Variants in TRRAP observed in about 807,000 individuals in gnomAD.
The protein encoded by TRRAP is transformation/transcription domain associated protein.
TRRAP carries 41 observed loss-of-function variants against 438.8 expected under a neutral mutation model. The ratio of observed to expected loss-of-function variants is 0.09; its 90% CI spans 0.07 to 0.12. TRRAP has a LOEUF of 0.12. Among genes scored for constraint, TRRAP ranks in the 10% least tolerant of loss-of-function variants. The pLI, the probability that TRRAP is intolerant of heterozygous loss-of-function variation, is 1.00. For synonymous variants in TRRAP, 1,994 were observed against 1,962.9 expected, an observed-to-expected ratio of 1.02 and a Z score of -0.42; for missense variants, 3,122 against 5,055.1, an observed-to-expected ratio of 0.62 and a Z score of 11.60.
intron 24 of TRRAP, 25 bp from the exon 25 acceptor site, chr7:98,930,608 G>T (rs782100298): frequency 6.2e-7 from 1 of 1,611,746 alleles, no homozygotes; most frequent in Non-Finnish European, 8.5e-7. Context: ...GTAACGTGTT[G>T]TGGTTTGTTC....
intron 40 of TRRAP, 35 bp from the exon 41 acceptor site, chr7:98,955,063 T>C: frequency 6.3e-7 from 1 of 1,585,636 alleles, no homozygotes; most frequent in Middle Eastern, 1.7e-4. Context: ...AAGCCTTCCT[T>C]CTCATCCTCC....
Position 98,931,548 on chromosome 7 carries a change from G to C in TRRAP, c.3735G>C (p.Leu1245Phe). ...CTTTCCACCATGTGACACACGACTT[G>C]GTTCGAGAAGTCACCTCTCCAAACT... Reference protein sequence around the residue: ...EKSFHHVTHDLVREVTSPNST... With the variant: ...EKSFHHVTHDFVREVTSPNST... The change falls in exon 26 of 73, where the codon TTG becomes TTC. Residue 1245 changes from leucine to phenylalanine, a missense_variant. This residue lies in a region of TRRAP where 153 missense variants were observed against 223.0 expected (regional missense o/e 0.69). Transcript: ENST00000456197. The C allele has an allele frequency of 1.2e-6, 2 of 1,614,200 alleles. No individual in the cohort carries two copies. The highest frequency in any genetic ancestry group is 1.7e-6 in the Non-Finnish European group (2 of 1,180,042).
At chr7:98,892,253 A>G (rs1453071983) in intron 4 of TRRAP, among the ~76,000 whole-genome samples, 171 bp from the exon 5 acceptor site, 17 of 152,182 alleles carry the variant, frequency 1.1e-4, no homozygotes, top group Non-Finnish European at 2.4e-4. Flanking sequence ...TTTGGGTTAC[A>G]TTTAAGTAGT....
chr7:98,971,164 T>G (rs1244977039), intron 52 of TRRAP, among the ~76,000 whole-genome samples: 1 of 152,242 alleles, frequency 6.6e-6, no homozygotes, highest in Non-Finnish European at 1.5e-5. Flanking sequence ...TTTTTTTCCT[T>G]TTTTTACTGT....
chr7:98,933,701 C>T (rs1554413530), intron 27 of TRRAP, among the ~76,000 whole-genome samples: 3 of 152,242 alleles, frequency 2.0e-5, no homozygotes, highest in South Asian at 2.1e-4. Context: ...GATGAAGCTG[C>T]ACCCAGTTGC....
At chr7:98,978,349 G>T in intron 57 of TRRAP, 26 bp downstream of exon 57, 1 of 1,577,444 alleles carries the variant, frequency 6.3e-7, no homozygotes, top group Non-Finnish European at 8.7e-7. Flanking sequence ...TGCTTGACGT[G>T]TGCATGAATC....
intron 58 of TRRAP, among the ~76,000 whole-genome samples, chr7:98,980,444 T>A (rs1274259307): frequency 6.6e-6 from 1 of 152,118 alleles, no homozygotes; most frequent in Non-Finnish European, 1.5e-5. Flanking sequence ...TAAATGAGAT[T>A]AACAAAATGT....
chr7:98,978,376 G>A, intron 57 of TRRAP, 53 bp downstream of exon 57: 2 of 1,489,514 alleles, frequency 1.3e-6, no homozygotes, highest in Middle Eastern at 1.7e-4. Flanking sequence ...GGGAACCAGG[G>A]AAAAATCTCT....
In TRRAP at chr7:98,949,543, A is replaced by G; in HGVS notation, c.4915A>G (p.Ser1639Gly). The G allele has an allele frequency of 6.3e-7, 1 of 1,596,326 alleles. No individual in the cohort carries two copies. The highest frequency in any genetic ancestry group is 8.5e-7 in the Non-Finnish European group (1 of 1,171,228). ...TGTGCGCCCCGGTTCGCCCAGCACCAGCACCATGCGCCTGGACCTCCAGTT... is the reference window on the plus strand; with the variant it reads ...TGTGCGCCCCGGTTCGCCCAGCACCGGCACCATGCGCCTGGACCTCCAGTT... ...TAVRPGSPST[S>G]TMRLDLQFQA... The change falls in exon 36 of 73, where the codon AGC becomes GGC. Residue 1639 changes from serine (S) to glycine (G), a missense_variant. By Grantham distance (56) the Ser-to-Gly change is moderately conservative. This residue lies in a region of TRRAP where 272 missense variants were observed against 348.5 expected (regional missense o/e 0.78). Transcript: ENST00000456197.
chr7:99,009,266 G>A (rs758262463), intron 70 of TRRAP, among the ~76,000 whole-genome samples: 1 of 152,132 alleles, frequency 6.6e-6, no homozygotes, highest in South Asian at 2.1e-4. Flanking sequence ...TGGGTGCCCC[G>A]TGGTCCTTTC....
intron 2 of TRRAP, 111 bp from the exon 3 acceptor site, chr7:98,881,864 C>A: frequency 8.1e-7 from 1 of 1,234,198 alleles, no homozygotes; most frequent in Non-Finnish European, 1.1e-6. Context: ...CCATGACAGT[C>A]AAACTGATAA....
chr7:98,914,729 AAAAAAAAAAAAAAAAAAAGACAG>A lies in TRRAP; in HGVS notation c.2200-988_2200-966del, dbSNP rs1424146001. 6.7e-5 allele frequency among the ~76,000 whole-genome samples: 10 copies of A among 148,872 alleles called. No homozygotes were observed. The East Asian group carries it at 9.8e-4, about 15-fold the overall frequency. ...GTGAGACCCTGTCTCAAAAAAAAAA[AAAAAAAAAAAAAAAAAAAGACAG>A]AAAAAGAATGTTGGAATGTTTAAGA... On this transcript the variant is annotated intron_variant, in intron 18 of 72. Coordinates refer to ENST00000456197, the MANE Select transcript of TRRAP (RefSeq NM_001375524.1).
At chr7:98,962,218 A>G (rs1791928675) in intron 46 of TRRAP, 84 bp from the exon 47 acceptor site, 3 of 1,594,418 alleles carry the variant, frequency 1.9e-6, no homozygotes, top group Admixed American at 3.4e-5. Flanking sequence ...CTGATACCCA[A>G]GCAGCCAGCA....
rs552423257 is a variant in TRRAP at position 98,967,216 on chromosome 7, C to T, written c.7298+54C>T. The T allele has an allele frequency of 3.4e-5, 53 of 1,568,790 alleles. No homozygotes were observed. In the South Asian group the frequency reaches 4.0e-4, roughly 12 times the overall value. On this transcript the variant is annotated intron_variant, in intron 50 of 72. Coordinates refer to ENST00000456197, the MANE Select transcript of TRRAP (RefSeq NM_001375524.1). ...ATATATTGGTCCTTAATGTGCTCCC[C>T]GGCCAGCCAGCCATGCAGCCATGAT...
At chr7:98,958,191 C>T in intron 44 of TRRAP, 100 bp downstream of exon 44, 2 of 1,021,334 alleles carry the variant, frequency 2.0e-6, no homozygotes, top group Non-Finnish European at 2.8e-6. Flanking sequence ...AAAAAAGATA[C>T]AGACAAACCA....
At chr7:98,945,007 G>C (rs1209868898) in intron 31 of TRRAP, among the ~76,000 whole-genome samples, 5 of 152,054 alleles carry the variant, frequency 3.3e-5, no homozygotes, top group Non-Finnish European at 5.9e-5. Context: ...GTTTCACTTT[G>C]TTGGCCAGGC....
In TRRAP at chr7:98,950,044, T is replaced by G. The variant is rs781791675; in HGVS notation, c.5136-20T>G. ...GAAATTTGCTCTAAGTTAACCTGTC[T>G]TCTTCTTTTGACCCTCCAGAAGGAA... On this transcript the variant is annotated intron_variant, in intron 37 of 72. Coordinates refer to ENST00000456197, the MANE Select transcript of TRRAP (RefSeq NM_001375524.1). The G allele has an allele frequency of 6.8e-6, 11 of 1,613,424 alleles. No individual in the cohort carries two copies. Among genetic ancestry groups the G allele is most frequent in the Admixed American group, 3.3e-5 (2 of 59,868 alleles).
chr7:98,933,831 C>A (rs1315526452), intron 27 of TRRAP, among the ~76,000 whole-genome samples: 1 of 152,172 alleles, frequency 6.6e-6, no homozygotes, highest in African/African-American at 2.4e-5. Context: ...TCTGACAGCA[C>A]CCCCTGAAGT....
At chr7:98,898,705 T>C (rs1254219967) in intron 8 of TRRAP, among the ~76,000 whole-genome samples, 1 of 152,214 alleles carries the variant, frequency 6.6e-6, no homozygotes, top group Non-Finnish European at 1.5e-5. Context: ...TGTTGAACTT[T>C]TGTATATTGT....
Sources: gnomAD v4.1 joint callset for allele counts (sites outside exome capture counted in the v4.1 genomes callset) on GRCh38, gnomAD v4.1.1 for gene constraint, gnomAD v4.1.1 regional missense constraint, MANE v1.5 for transcripts, NCBI Gene and HGNC (gene_info 2026-07-23, HGNC 2026-07-21) for gene names.